FHIT: variants seen among roughly 807,000 people sequenced by gnomAD.
FHIT encodes the protein fragile histidine triad diadenosine triphosphatase.
In FHIT, 19 loss-of-function variants were observed where a neutral mutation model predicts 17.9. That is an observed-to-expected ratio of 1.06 (90% CI 0.74 to 1.56). FHIT has a LOEUF of 1.56. Ranked by LOEUF, FHIT falls within the 40% of genes most tolerant of loss-of-function variation. The pLI is 0.00. For missense variants in FHIT, 248 were observed against 189.2 expected (o/e 1.31, Z -1.82); for synonymous variants, 81 against 69.7 (o/e 1.16, Z -0.81).
intron 1 of FHIT, among the ~76,000 whole-genome samples, chr3:61,205,693 A>T (rs2039204677): frequency 6.6e-6 from 1 of 152,110 alleles, no homozygotes; most frequent in African/African-American, 2.4e-5. Context: ...AATTTATTTG[A>T]GTTCATTGTA....
intron 4 of FHIT, among the ~76,000 whole-genome samples, chr3:60,558,023 T>C (rs571624201): frequency 6.6e-6 from 1 of 152,220 alleles, no homozygotes; most frequent in South Asian, 2.1e-4. Flanking sequence ...TTGGAAAATT[T>C]TGATCCGTTT....
intron 4 of FHIT, among the ~76,000 whole-genome samples, chr3:60,683,236 G>T (rs939169426): frequency 1.3e-5 from 2 of 152,170 alleles, no homozygotes; most frequent in African/African-American, 2.4e-5. Flanking sequence ...GGTTGGAGAG[G>T]ATTCACTCAT....
intron 2 of FHIT, among the ~76,000 whole-genome samples, chr3:61,050,475 A>G (rs910287370): frequency 6.6e-6 from 1 of 152,224 alleles, no homozygotes; most frequent in African/African-American, 2.4e-5. Flanking sequence ...TGGACTGGAT[A>G]TTAGAAAATA....
At chr3:60,863,554 CTGAGGTTTACTAAACACT>C (rs1466290735) in intron 3 of FHIT, among the ~76,000 whole-genome samples, 1 of 152,156 alleles carries the variant, frequency 6.6e-6, no homozygotes, top group African/African-American at 2.4e-5. Context: ...ATTCATCAAT[CTGAGGTTTACTAAACACT>C]TGATGGGTGC....
At chr3:60,267,395 C>T (rs1339305537) in intron 5 of FHIT, among the ~76,000 whole-genome samples, 1 of 151,884 alleles carries the variant, frequency 6.6e-6, no homozygotes, top group African/African-American at 2.4e-5. Flanking sequence ...TATAAAAATA[C>T]CATGGAAAAA....
At chr3:61,030,407 A>T (rs931553283) in intron 3 of FHIT, among the ~76,000 whole-genome samples, 1 of 152,262 alleles carries the variant, frequency 6.6e-6, no homozygotes, top group South Asian at 2.1e-4. Context: ...CCACTAGCCA[A>T]ATGTGACTAT....
intron 8 of FHIT, among the ~76,000 whole-genome samples, chr3:59,755,140 C>T (rs181743528): frequency 2.6e-5 from 4 of 152,010 alleles, no homozygotes; most frequent in Non-Finnish European, 4.4e-5. Context: ...GCTTGTGATC[C>T]TATCAACAGT....
At chr3:59,796,808 T>G (rs1226405773) in intron 8 of FHIT, among the ~76,000 whole-genome samples, 1 of 152,202 alleles carries the variant, frequency 6.6e-6, no homozygotes, top group Non-Finnish European at 1.5e-5. Context: ...GATGTCTGAC[T>G]TGGGAGAGGG....
intron 4 of FHIT, among the ~76,000 whole-genome samples, chr3:60,572,036 G>A (rs56118886): frequency 1.3e-5 from 2 of 151,448 alleles, no homozygotes; most frequent in East Asian, 1.9e-4. Flanking sequence ...CTTTTTTTTG[G>A]GGGGGAAGAT....
intron 3 of FHIT, among the ~76,000 whole-genome samples, chr3:60,867,510 C>G (rs1575619008): frequency 6.6e-6 from 1 of 152,260 alleles, no homozygotes; most frequent in Non-Finnish European, 1.5e-5. Flanking sequence ...GGAACAAAGT[C>G]TTCAGAAGGT....
intron 5 of FHIT, among the ~76,000 whole-genome samples, chr3:60,249,238 G>A (rs1044168237): frequency 2.6e-5 from 4 of 151,976 alleles, no homozygotes; most frequent in Admixed American, 6.6e-5. Flanking sequence ...GAAACTTTCC[G>A]TATGTTTCAC....
chr3:60,634,214 A>T (rs1553683174), intron 4 of FHIT, among the ~76,000 whole-genome samples: 2 of 152,094 alleles, frequency 1.3e-5, no homozygotes, highest in African/African-American at 4.8e-5. Flanking sequence ...GCCTAGATAG[A>T]TGCTGTTAGT....
At chr3:61,231,103 G>T (rs1424386386) in intron 1 of FHIT, among the ~76,000 whole-genome samples, 1 of 152,212 alleles carries the variant, frequency 6.6e-6, no homozygotes, top group Non-Finnish European at 1.5e-5. Context: ...ATGTTATCAT[G>T]AAGAGAAATT....
chr3:61,207,070 A>G (rs1410015454), intron 1 of FHIT, among the ~76,000 whole-genome samples: 4 of 152,198 alleles, frequency 2.6e-5, no homozygotes, highest in Non-Finnish European at 5.9e-5. Flanking sequence ...GCATCTATTG[A>G]GATAATCATG....
chr3:60,827,266 C>T (rs1214036354), intron 3 of FHIT, among the ~76,000 whole-genome samples: 1 of 152,096 alleles, frequency 6.6e-6, no homozygotes, highest in African/African-American at 2.4e-5. Flanking sequence ...AAGAAACAAC[C>T]AAACCTTCAA....
intron 5 of FHIT, among the ~76,000 whole-genome samples, chr3:60,015,979 C>T (rs1210623158): frequency 1.3e-5 from 2 of 152,104 alleles, no homozygotes; most frequent in African/African-American, 4.8e-5. Context: ...AATTCTAATG[C>T]CACTTTTTAT....
chr3:59,907,595 G>A (rs191036902), intron 8 of FHIT, among the ~76,000 whole-genome samples: 104 of 152,312 alleles, frequency 6.8e-4, no homozygotes, highest in Admixed American at 6.7e-3. Context: ...GAGTGGGCAC[G>A]TGCATGCATG....
chr3:61,062,281 A>G lies in FHIT; in HGVS notation c.-163-20182T>C, dbSNP rs2034456039. Among the ~76,000 whole-genome samples the G allele has an allele frequency of 2.6e-5, 4 of 152,118 alleles. No individual in the cohort carries two copies. The South Asian group carries it at 8.3e-4, about 32-fold the overall frequency. ...ACCAACTGATTGATATTTTTAGTTT[A>G]ATTATTTAAAAAATGAGGTTATAAT... On this transcript the variant is annotated intron_variant, in intron 2 of 9. Coordinates refer to ENST00000492590, the MANE Select transcript of FHIT (RefSeq NM_002012.4).
intron 5 of FHIT, among the ~76,000 whole-genome samples, chr3:60,488,292 C>A (rs1232766217): frequency 1.3e-5 from 2 of 152,144 alleles, no homozygotes; most frequent in Non-Finnish European, 2.9e-5. Flanking sequence ...GTGTTCCAGG[C>A]ACCATAGCAT....
Sources: allele counts gnomAD v4.1 joint callset (sites outside exome capture counted in the v4.1 genomes callset), GRCh38; gene constraint gnomAD v4.1.1; transcripts MANE v1.5; gene names NCBI Gene and HGNC (gene_info 2026-07-23, HGNC 2026-07-21).